STAU2: variants seen among roughly 807,000 people sequenced by gnomAD.
STAU2 encodes staufen double-stranded RNA binding protein 2.
In STAU2, 20 loss-of-function variants were observed where a neutral mutation model predicts 65.9. The observed-to-expected ratio is 0.30, with a 90% CI of 0.21 to 0.44. STAU2 has a LOEUF of 0.44. STAU2 is among the 20% of genes least tolerant of loss of function. The pLI, the probability that STAU2 is intolerant of heterozygous loss-of-function variation, is 1.00. For missense variants in STAU2, 558 were observed against 683.9 expected (o/e 0.82, Z 2.05); for synonymous variants, 232 against 233.9 (o/e 0.99, Z 0.07).
chr8:73,456,909 A>T (rs4738363), intron 13 of STAU2, among the ~76,000 whole-genome samples: 15,482 of 152,238 alleles, frequency 0.1, 1,200 homozygotes, highest in African/African-American at 0.19. Context: ...ACCGAGTAAC[A>T]ACATTTACCA....
At chr8:73,638,141 T>A (rs55936205) in intron 6 of STAU2, among the ~76,000 whole-genome samples, 2 of 151,900 alleles carry the variant, frequency 1.3e-5, no homozygotes, top group African/African-American at 4.8e-5. Context: ...AGGGGCAAAA[T>A]TGGGTAACTG....
intron 13 of STAU2, among the ~76,000 whole-genome samples, chr8:73,471,843 A>AAGAAGGAGAAGG (rs60409026): frequency 4.1e-5 from 6 of 148,054 alleles, no homozygotes; most frequent in African/African-American, 1.0e-4. Flanking sequence ...AAAAAGAGAG[A>AAGAAGGAGAAGG]AGAAGGAGAA....
intron 11 of STAU2, 78 bp from the exon 12 acceptor site, chr8:73,582,908 G>A (rs1041437831): frequency 1.5e-6 from 2 of 1,291,236 alleles, no homozygotes; most frequent in African/African-American, 3.0e-5. Flanking sequence ...GACCAATTAA[G>A]CAAAGGCAAA....
chr8:73,690,346 A>AAAAAAAAAAAT (rs1819244294), intron 4 of STAU2, among the ~76,000 whole-genome samples: 1 of 149,870 alleles, frequency 6.7e-6, no homozygotes, highest in East Asian at 2.0e-4. Flanking sequence ...AAAAAAAAAA[A>AAAAAAAAAAAT]GGAAAAGAAA....
intron 13 of STAU2, among the ~76,000 whole-genome samples, chr8:73,470,146 T>C (rs1157336345): frequency 6.6e-6 from 1 of 152,168 alleles, no homozygotes; most frequent in Non-Finnish European, 1.5e-5. Context: ...TTCGCATTTG[T>C]TTTTCAAATG....
chr8:73,551,154 A>G (rs1358795582), intron 13 of STAU2: 1 of 987,474 alleles, frequency 1.0e-6, no homozygotes, highest in Admixed American at 6.1e-5. Context: ...CAACTAAGAA[A>G]TCAAGACACA....
chr8:73,512,579 T>C (rs1822467828), intron 13 of STAU2, among the ~76,000 whole-genome samples: 1 of 152,206 alleles, frequency 6.6e-6, no homozygotes, highest in South Asian at 2.1e-4. Context: ...AACAAATTTT[T>C]GTATATTCAT....
chr8:73,692,194 C>T (rs1387052561), intron 4 of STAU2, among the ~76,000 whole-genome samples: 1 of 150,378 alleles, frequency 6.6e-6, no homozygotes, highest in Non-Finnish European at 1.5e-5. Flanking sequence ...ATCCTACGTA[C>T]TTCTTTTTTT....
chr8:73,591,217 T>C (rs907419674), intron 11 of STAU2, among the ~76,000 whole-genome samples: 5 of 151,860 alleles, frequency 3.3e-5, no homozygotes, highest in Non-Finnish European at 5.9e-5. Context: ...TTGAAAAATA[T>C]AGAAAACTAA....
At position 73,603,776 on chromosome 8, in the gene STAU2, C is replaced by T. The variant is rs1173923095; in HGVS notation, c.979G>A (p.Val327Ile). ...GGCATTCCTCTTTCTGAAAGCAAAA[C>T]ATAATCCGGCTCCTTTTCCTTTTTG... ...QAKKEKEPDY[V>I]LLSERGMPRR... Residue 327 changes from valine to isoleucine, a missense_variant, in exon 10 of 15, where the codon GTT becomes ATT. Transcript: ENST00000524300. The T allele has an allele frequency of 1.2e-6, 2 of 1,611,910 alleles. No homozygotes were observed. Among genetic ancestry groups the T allele is most frequent in the Non-Finnish European group, 1.7e-6 (2 of 1,179,848 alleles).
intron 5 of STAU2, among the ~76,000 whole-genome samples, chr8:73,674,478 A>G (rs899591487): frequency 6.6e-6 from 1 of 151,964 alleles, no homozygotes; most frequent in South Asian, 2.1e-4. Flanking sequence ...AAATGGAGAC[A>G]AAGTAATCTC....
chr8:73,734,655 G>A (rs768443097), intron 3 of STAU2, among the ~76,000 whole-genome samples: 2 of 152,040 alleles, frequency 1.3e-5, no homozygotes, highest in Non-Finnish European at 2.9e-5. Flanking sequence ...TTAGCCGGGC[G>A]TGGTGGCATG....
chr8:73,499,588 G>A (rs2128919309), intron 13 of STAU2, among the ~76,000 whole-genome samples: 1 of 151,974 alleles, frequency 6.6e-6, no homozygotes, highest in South Asian at 2.1e-4. Context: ...GGCCAGGTCA[G>A]TTGCAATGGT....
chr8:73,490,328 A>G (rs1821099749), intron 13 of STAU2, among the ~76,000 whole-genome samples: 1 of 152,018 alleles, frequency 6.6e-6, no homozygotes, highest in African/African-American at 2.4e-5. Flanking sequence ...GATTTACACA[A>G]TATTCTCCCT....
At chr8:73,493,896 T>C (rs1366581656) in intron 13 of STAU2, among the ~76,000 whole-genome samples, 1 of 151,800 alleles carries the variant, frequency 6.6e-6, no homozygotes, top group African/African-American at 2.4e-5. Flanking sequence ...GAAATACTAT[T>C]TAGCAAAGAA....
chr8:73,658,533 T>C (rs1168075439), intron 6 of STAU2, among the ~76,000 whole-genome samples: 3 of 152,216 alleles, frequency 2.0e-5, no homozygotes, highest in African/African-American at 7.2e-5. Flanking sequence ...GACACAATAT[T>C]ACATTTCCAA....
At chr8:73,737,594 G>A (rs1265348285) in intron 3 of STAU2, among the ~76,000 whole-genome samples, 2 of 148,452 alleles carry the variant, frequency 1.3e-5, no homozygotes, top group African/African-American at 5.0e-5. Context: ...TTAAGAGACA[G>A]GGTCTTACTA....
chr8:73,723,855 T>C (rs927249791), intron 3 of STAU2, among the ~76,000 whole-genome samples: 10 of 152,260 alleles, frequency 6.6e-5, no homozygotes, highest in African/African-American at 2.4e-4. Flanking sequence ...ATGGGTCATA[T>C]TTCATGCTTC....
intron 13 of STAU2, among the ~76,000 whole-genome samples, chr8:73,518,119 A>C (rs1447449550): frequency 6.6e-6 from 1 of 152,258 alleles, no homozygotes; most frequent in Admixed American, 6.5e-5. Context: ...TGCCATAGGC[A>C]AACTTTCTTT....
Sources: allele counts gnomAD v4.1 joint callset (sites outside exome capture counted in the v4.1 genomes callset), GRCh38; gene constraint gnomAD v4.1.1; transcripts MANE v1.5; gene names NCBI Gene and HGNC (gene_info 2026-07-23, HGNC 2026-07-21).